Variants in FAM193A observed in about 807,000 individuals in gnomAD.
The protein encoded by FAM193A is family with sequence similarity 193 member A.
In FAM193A, 22 loss-of-function variants were observed where a neutral mutation model predicts 126.5. That is an observed-to-expected ratio of 0.17 (90% CI 0.12 to 0.25). FAM193A has a LOEUF of 0.25. Among genes scored for constraint, FAM193A ranks in the 10% least tolerant of loss-of-function variants. FAM193A has a pLI of 1.00. For synonymous variants in FAM193A, 761 were observed against 646.8 expected, an observed-to-expected ratio of 1.18 and a Z score of -2.68; for missense variants, 1,675 against 1,672.8, an observed-to-expected ratio of 1.00 and a Z score of -0.02.
chr4:2,602,353 C>CT (rs35168097), intron 2 of FAM193A, among the ~76,000 whole-genome samples: 25,648 of 128,532 alleles, frequency 0.2, 2,736 homozygotes, highest in East Asian at 0.33. Context: ...ATGTTCTGTT[C>CT]TTTTTTTTTT....
chr4:2,573,270 T>C lies in FAM193A; in HGVS notation c.256-22814T>C, dbSNP rs191321211. 2.8e-3 allele frequency among the ~76,000 whole-genome samples: 430 copies of C among 152,224 alleles called. 1 individual carries two copies. Among genetic ancestry groups the C allele is most frequent in the African/African-American group, 7.8e-3 (324 of 41,550 alleles). On this transcript the variant is annotated intron_variant, in intron 1 of 20. Transcript: ENST00000637812. ...GCTCACACCTGTAATCCCAGCACTT[T>C]GGGAGGCTGAGGCTGGCAGATCACC...
intron 12 of FAM193A, among the ~76,000 whole-genome samples, chr4:2,664,558 CTTTTTTTTTT>C (rs33958851): frequency 4.1e-5 from 3 of 73,092 alleles, no homozygotes; most frequent in African/African-American, 1.1e-4. Context: ...TATTTTCTTT[CTTTTTTTTTT>C]TTTTTTTTTT....
intron 7 of FAM193A, chr4:2,655,159 TG>T: frequency 1.5e-6 from 1 of 682,512 alleles, no homozygotes; most frequent in Non-Finnish European, 2.7e-6. Context: ...GTTTGATGCT[TG>T]CCATACAGAC....
At chr4:2,652,908 C>A (rs17164070) in intron 7 of FAM193A, among the ~76,000 whole-genome samples, 9,309 of 152,258 alleles carry the variant, frequency 0.061, 863 homozygotes, top group African/African-American at 0.2. Context: ...TGCCAAACCC[C>A]GTGTGGCTAG....
At chr4:2,561,066 C>T (rs17836068) in intron 1 of FAM193A, among the ~76,000 whole-genome samples, 4,764 of 152,376 alleles carry the variant, frequency 0.031, 89 homozygotes, top group South Asian at 0.072. Flanking sequence ...GCTTTGCTTA[C>T]TCTCCAGGCT....
At chr4:2,610,792 CA>C (rs1741820575) in intron 2 of FAM193A, among the ~76,000 whole-genome samples, 1 of 151,918 alleles carries the variant, frequency 6.6e-6, no homozygotes, top group African/African-American at 2.4e-5. Context: ...GGCTGGAGTG[CA>C]ATGGCGCGAT....
intron 1 of FAM193A, among the ~76,000 whole-genome samples, chr4:2,543,339 G>A (rs1180623287): frequency 1.3e-5 from 2 of 151,850 alleles, no homozygotes; most frequent in East Asian, 1.9e-4. Context: ...TACCCGCCTC[G>A]GCCTCTCAAA....
chr4:2,570,792 T>G (rs1293573228), intron 1 of FAM193A, among the ~76,000 whole-genome samples: 1 of 152,158 alleles, frequency 6.6e-6, no homozygotes, highest in Non-Finnish European at 1.5e-5. Flanking sequence ...CTCCCCGGCC[T>G]GGGAGCTTTT....
chr4:2,710,660 A>G (rs1715327739), intron 19 of FAM193A, among the ~76,000 whole-genome samples: 1 of 151,166 alleles, frequency 6.6e-6, no homozygotes, highest in Admixed American at 6.6e-5. Context: ...GCACCACCAC[A>G]CTCGGCTAAT....
chr4:2,725,532 C>T (rs1224109099), intron 20 of FAM193A, among the ~76,000 whole-genome samples: 1 of 151,746 alleles, frequency 6.6e-6, no homozygotes, highest in Non-Finnish European at 1.5e-5. Context: ...TACCCCTTCC[C>T]CCACCTCAAG....
At chr4:2,577,317 C>T (rs1739643993) in intron 1 of FAM193A, among the ~76,000 whole-genome samples, 1 of 151,598 alleles carries the variant, frequency 6.6e-6, no homozygotes, top group African/African-American at 2.4e-5. Context: ...ACCCACTAAA[C>T]TTTCTAGACC....
chr4:2,538,984 G>A (rs532142971), intron 1 of FAM193A, among the ~76,000 whole-genome samples: 2 of 152,054 alleles, frequency 1.3e-5, no homozygotes, highest in Non-Finnish European at 2.9e-5. Context: ...TCTGTCTCCC[G>A]GGTTCAAGCG....
chr4:2,654,823 C>G, intron 7 of FAM193A: 1 of 355,008 alleles, frequency 2.8e-6, no homozygotes, highest in East Asian at 4.1e-5. Flanking sequence ...GTTTGAGGGG[C>G]TGCTATGACC....
At chr4:2,618,138 C>G (rs1218672333) in intron 2 of FAM193A, among the ~76,000 whole-genome samples, 1 of 152,100 alleles carries the variant, frequency 6.6e-6, no homozygotes, top group Non-Finnish European at 1.5e-5. Flanking sequence ...TAAGGTGACT[C>G]GTTTTCCTCT....
chr4:2,628,821 T>C lies in FAM193A; in HGVS notation c.804-2114T>C, dbSNP rs372221229. Among the ~76,000 whole-genome samples, 15 of 151,934 alleles carry C rather than the reference T, an allele frequency of 9.9e-5. No homozygotes were observed. In the East Asian group the frequency reaches 1.9e-3, roughly 20 times the overall value. On this transcript the variant is annotated intron_variant, in intron 4 of 20. Coordinates refer to ENST00000637812, the MANE Select transcript of FAM193A (RefSeq NM_001366318.2). ...GTGTGTGTGAGTTAGCGAATGAGCT[T>C]CCTAGCTTCTTCAGCATATTGCTGT... is the stretch of plus-strand genomic sequence containing the variant.
At chr4:2,726,468 G>A (rs1489587979) in intron 20 of FAM193A, among the ~76,000 whole-genome samples, 1 of 152,134 alleles carries the variant, frequency 6.6e-6, no homozygotes. Flanking sequence ...GAAAAAAAAG[G>A]GAAACTGCCT....
At chr4:2,577,184 G>T (rs1194933602) in intron 1 of FAM193A, among the ~76,000 whole-genome samples, 2 of 151,540 alleles carry the variant, frequency 1.3e-5, no homozygotes, top group African/African-American at 4.8e-5. Context: ...ACGAAGCCTC[G>T]CTCTGTCACC....
At chr4:2,543,054 T>C (rs968333475) in intron 1 of FAM193A, among the ~76,000 whole-genome samples, 5 of 151,846 alleles carry the variant, frequency 3.3e-5, no homozygotes, top group Non-Finnish European at 5.9e-5. Flanking sequence ...CTCTGTTCCA[T>C]GGGCAAGGTA....
At chr4:2,678,276 G>A (rs1222099782) in intron 13 of FAM193A, among the ~76,000 whole-genome samples, 3 of 151,694 alleles carry the variant, frequency 2.0e-5, no homozygotes, top group East Asian at 1.9e-4. Context: ...GAGCCACCGC[G>A]CCTGGCCTGT....
Sources: allele counts gnomAD v4.1 joint callset (sites outside exome capture counted in the v4.1 genomes callset), GRCh38; gene constraint gnomAD v4.1.1; transcripts MANE v1.5; gene names NCBI Gene and HGNC (gene_info 2026-07-23, HGNC 2026-07-21).